Variants in DAPK2 observed in about 807,000 individuals in gnomAD.
The protein encoded by DAPK2 is death associated protein kinase 2.
A neutral mutation model predicts 44.1 loss-of-function variants in DAPK2; 35 were observed. That is an observed-to-expected ratio of 0.79 (90% CI 0.61 to 1.05). The LOEUF is 1.05. Among genes scored for constraint, DAPK2 ranks in the 50% least tolerant of loss-of-function variants. DAPK2 has a pLI of 0.00. For missense variants in DAPK2, 453 were observed against 483.2 expected, an observed-to-expected ratio of 0.94 and a Z score of 0.59; for synonymous variants, 174 against 182.6, an observed-to-expected ratio of 0.95 and a Z score of 0.38.
At chr15:63,944,896 C>T (rs2077409066) in intron 3 of DAPK2, among the ~76,000 whole-genome samples, 1 of 152,204 alleles carries the variant, frequency 6.6e-6, no homozygotes, top group Non-Finnish European at 1.5e-5. Context: ...TGCTCTATAT[C>T]CCCGCAGGGT....
chr15:63,981,463 C>G (rs986281828), intron 2 of DAPK2, among the ~76,000 whole-genome samples: 12 of 152,018 alleles, frequency 7.9e-5, no homozygotes, highest in Admixed American at 1.3e-4. Flanking sequence ...TTCAGTGAAA[C>G]ATATAGTCAG....
intron 3 of DAPK2, among the ~76,000 whole-genome samples, chr15:63,959,855 G>A (rs1284185933): frequency 6.6e-6 from 1 of 152,192 alleles, no homozygotes; most frequent in Admixed American, 6.5e-5. Flanking sequence ...GTATCAGGAT[G>A]ATGTTGGCCT....
intron 10 of DAPK2, chr15:63,910,652 C>A (rs1441922457): frequency 6.6e-6 from 1 of 152,296 alleles, no homozygotes; most frequent in Non-Finnish European, 1.5e-5. Context: ...GTGATCCTCC[C>A]ACCTCAGCTC....
intron 1 of DAPK2, among the ~76,000 whole-genome samples, chr15:64,035,277 G>A (rs571101607): frequency 6.6e-6 from 1 of 152,118 alleles, no homozygotes; most frequent in African/African-American, 2.4e-5. Context: ...CATTGTGCAT[G>A]CAGTAGTTGT....
chr15:64,000,359 G>A (rs796552387), intron 1 of DAPK2, among the ~76,000 whole-genome samples: 1 of 152,122 alleles, frequency 6.6e-6, no homozygotes, highest in Non-Finnish European at 1.5e-5. Flanking sequence ...ACAAATACGT[G>A]CACCAAGCAT....
chr15:64,040,330 A>T, upstream of DAPK2: 1 of 1,304,194 alleles, frequency 7.7e-7, no homozygotes, highest in Non-Finnish European at 1.1e-6. Context: ...CTAAGAGTCT[A>T]AGGCCTAAAC....
intron 3 of DAPK2, among the ~76,000 whole-genome samples, chr15:63,945,232 G>A (rs1278248807): frequency 3.9e-5 from 6 of 152,124 alleles, no homozygotes; most frequent in Non-Finnish European, 5.9e-5. Flanking sequence ...TGTTGATGAC[G>A]CTGGCCTGCT....
In DAPK2 at chr15:63,990,274, C is replaced by CA. The variant is rs2078781884; in HGVS notation, c.93-6521dup. Among the ~76,000 whole-genome samples, 1 of 151,972 alleles carries CA rather than the reference C, an allele frequency of 6.6e-6. No homozygotes were observed. The highest frequency in any genetic ancestry group is 1.5e-5 in the Non-Finnish European group (1 of 67,992). On this transcript the variant is annotated intron_variant, in intron 1 of 10. Transcript: ENST00000261891. The surrounding 1 kb of genome is among the most constrained non-coding windows in gnomAD (Gnocchi z 4.3). ...CAAAACCCCATCTCTCCTAAAAATA[C>CA]AAAAATTAGCTGGGCATGGTGGTGC... is the stretch of plus-strand genomic sequence containing the variant.
chr15:63,922,524 G>A (rs1046473847), intron 8 of DAPK2: 1 of 1,359,136 alleles, frequency 7.4e-7, no homozygotes, highest in Non-Finnish European at 9.5e-7. Context: ...TGCCCTGCCA[G>A]AGCCCTCCCA....
At chr15:64,040,638 A>C (rs938155798), upstream of DAPK2, among the ~76,000 whole-genome samples, 1 of 152,128 alleles carries the variant, frequency 6.6e-6, no homozygotes, top group African/African-American at 2.4e-5. Context: ...ATGGCCAGGC[A>C]TGGTGCTCAC....
intron 1 of DAPK2, among the ~76,000 whole-genome samples, chr15:64,027,320 GT>G (rs1336524371): frequency 2.6e-5 from 4 of 152,188 alleles, no homozygotes; most frequent in African/African-American, 7.2e-5. Context: ...GGAGGTGGAG[GT>G]TGCAGTGAGC....
chr15:63,974,220 C>T (rs1235355823), intron 2 of DAPK2, among the ~76,000 whole-genome samples: 1 of 152,136 alleles, frequency 6.6e-6, no homozygotes, highest in African/African-American at 2.4e-5. Context: ...GCTTATTTAT[C>T]CTGTCAACAA....
In DAPK2 at chr15:63,916,592, G is replaced by C. The variant is rs2078934984; in HGVS notation, c.859-4395C>G. ...TTCACCCACCTGTTTTCCCAGGAAA[G>C]GAGCACATGGGGCTTGTGGGAGGCT... On this transcript the variant is annotated intron_variant, in intron 8 of 10. Transcript: ENST00000261891. This position sits in a 1 kb window ranked among gnomAD's most constrained non-coding sequence, Gnocchi z 4.7. 6.6e-6 allele frequency: 1 copy of C among 152,316 alleles called. No homozygotes were observed. The highest frequency in any genetic ancestry group is 2.1e-4 in the South Asian group (1 of 4,838). 9.4% of individuals were successfully genotyped at this position (152,316 alleles called of 1,614,324 possible). A position where few individuals can be genotyped will look rare whatever the true frequency, so the allele number is the denominator to read the frequency against.
At position 63,914,227 on chromosome 15, in the gene DAPK2, G is replaced by A. The variant is rs575427327; in HGVS notation, c.859-2030C>T. Reference sequence around the variant, plus strand: ...TCAGTAGGATGTACAGCTCCGGGGCGGGGGGTGGGGTGACCCAAAGCTGGA... The same window carrying A: ...TCAGTAGGATGTACAGCTCCGGGGCAGGGGGTGGGGTGACCCAAAGCTGGA... On this transcript the variant is annotated intron_variant, in intron 8 of 10. Transcript: ENST00000261891. Among the ~76,000 whole-genome samples the A allele has an allele frequency of 4.3e-4, 65 of 151,256 alleles. 1 individual carries two copies. In the South Asian group the frequency reaches 7.0e-3, roughly 16 times the overall value.
chr15:64,005,698 T>C (rs2079207516), intron 1 of DAPK2, among the ~76,000 whole-genome samples: 1 of 151,968 alleles, frequency 6.6e-6, no homozygotes, highest in African/African-American at 2.4e-5. Flanking sequence ...ACACAAAGAC[T>C]AGATCTGGGA....
chr15:64,013,956 G>A lies in DAPK2; in HGVS notation c.92+26214C>T, dbSNP rs929188766. Among the ~76,000 whole-genome samples, 2 of 152,222 alleles carry A rather than the reference G, an allele frequency of 1.3e-5. No individual in the cohort carries two copies. The highest frequency in any genetic ancestry group is 1.5e-5 in the Non-Finnish European group (1 of 68,036). Reference sequence around the variant, plus strand: ...CCTTCTCTGGGTGTGGCTGGCAGCTGTGCCAGAAAGAAACACCTTCTAGCC... The same window carrying A: ...CCTTCTCTGGGTGTGGCTGGCAGCTATGCCAGAAAGAAACACCTTCTAGCC... On this transcript the variant is annotated intron_variant, in intron 1 of 10. Coordinates refer to ENST00000261891, the Ensembl canonical transcript of DAPK2. This position sits in a 1 kb window ranked among gnomAD's most constrained non-coding sequence, Gnocchi z 4.7.
chr15:64,021,298 C>T (rs560755960), intron 1 of DAPK2, among the ~76,000 whole-genome samples: 5 of 152,266 alleles, frequency 3.3e-5, no homozygotes, highest in East Asian at 1.9e-4. Flanking sequence ...AAAGGGAGCG[C>T]GAGTGAGCAT....
intron 1 of DAPK2, among the ~76,000 whole-genome samples, chr15:63,998,116 C>A (rs1481999690): frequency 6.6e-6 from 1 of 152,212 alleles, no homozygotes; most frequent in Non-Finnish European, 1.5e-5. Context: ...CAGAGCCTGA[C>A]ATATCCTTGG....
intron 4 of DAPK2, among the ~76,000 whole-genome samples, chr15:63,937,263 A>G (rs2077186284): frequency 6.6e-6 from 1 of 152,370 alleles, no homozygotes; most frequent in Non-Finnish European, 1.5e-5. Flanking sequence ...ACAAAAGCCA[A>G]TGAGGTATAT....
Sources: gnomAD v4.1 joint callset for allele counts (sites outside exome capture counted in the v4.1 genomes callset) on GRCh38, gnomAD v4.1.1 for gene constraint, Gnocchi (gnomAD v3.1) non-coding constraint, MANE v1.5 for transcripts, NCBI Gene and HGNC (gene_info 2026-07-23, HGNC 2026-07-21) for gene names.